Variants in NGFR observed in about 807,000 individuals in gnomAD.
The protein encoded by NGFR is tumor necrosis factor receptor superfamily member 16.
In NGFR, 30 loss-of-function variants were observed where a neutral mutation model predicts 43.2. The observed-to-expected ratio is 0.69, with a 90% CI of 0.52 to 0.94. NGFR has a LOEUF of 0.94. Ranked by LOEUF, NGFR falls within the 40% of genes least tolerant of loss-of-function variation. The pLI is 0.00. For missense variants in NGFR, 529 were observed against 602.5 expected (o/e 0.88, Z 1.28); for synonymous variants, 246 against 259.6 (o/e 0.95, Z 0.50).
chr17:49,506,225 G>T, intron 2 of NGFR, 74 bp from the exon 3 acceptor site: 1 of 1,501,932 alleles, frequency 6.7e-7, no homozygotes, highest in Non-Finnish European at 8.8e-7. Context: ...CAATAGGGGA[G>T]GGAGAGACTC....
chr17:49,513,050 A>C lies in NGFR; in HGVS notation c.*41A>C. 3 of 1,463,098 alleles carry C rather than the reference A, an allele frequency of 2.1e-6. No individual in the cohort carries two copies. Among genetic ancestry groups the C allele is most frequent in the Non-Finnish European group, 2.7e-6 (3 of 1,107,238 alleles). The allele number at this position is 1,463,098 out of a possible 1,614,324, so 90.6% of individuals were successfully genotyped here. ...CCCCGCCCCGCCCCACATTCCGACAACCGATGCTCCAGCCAACCCCTGTGG... is the reference window on the plus strand; with the variant it reads ...CCCCGCCCCGCCCCACATTCCGACACCCGATGCTCCAGCCAACCCCTGTGG... On this transcript the variant is annotated 3_prime_UTR_variant, in exon 6 of 6. Transcript: ENST00000172229.
At chr17:49,502,010 A>G (rs1302020758) in intron 1 of NGFR, 53 bp from the exon 2 acceptor site, 2 of 269,686 alleles carry the variant, frequency 7.4e-6, no homozygotes, top group Admixed American at 4.7e-5. Context: ...ACCCCCCCCA[A>G]CCCACCCCAG....
intron 3 of NGFR, 23 bp downstream of exon 3, chr17:49,506,681 GGGGAGTGGGGGT>G: frequency 3.2e-5 from 38 of 1,174,432 alleles, no homozygotes; most frequent in Non-Finnish European, 4.1e-5. Context: ...CGGGGGGCGG[GGGGAGTGGGGGT>G]GCGGGGGTGG....
Position 49,512,680 on chromosome 17 carries a change from A to G in NGFR, c.983-28A>G. Reference sequence around the variant, plus strand: ...TTGGGGAAAGGAGTTCAGGGGTAGGACCTGACTCTCCTCTGGTTTCTCTGC... The same window carrying G: ...TTGGGGAAAGGAGTTCAGGGGTAGGGCCTGACTCTCCTCTGGTTTCTCTGC... On this transcript the variant is annotated intron_variant, in intron 5 of 5. Transcript: ENST00000172229. This position sits in a 1 kb window ranked among gnomAD's most constrained non-coding sequence, Gnocchi z 5.2. 6.4e-7 allele frequency: 1 copy of G among 1,551,012 alleles called. No individual in the cohort carries two copies. Among genetic ancestry groups the G allele is most frequent in the Non-Finnish European group, 8.7e-7 (1 of 1,146,458 alleles).
At chr17:49,501,999 A>AGGGGCCCCCCCCCCCCCCCCCC in intron 1 of NGFR, 64 bp from the exon 2 acceptor site, 1 of 330,984 alleles carries the variant, frequency 3.0e-6, no homozygotes, top group Non-Finnish European at 5.9e-6. Context: ...TCCCCGGAAG[A>AGGGGCCCCCCCCCCCCCCCCCC]ACCCCCCCCA....
In NGFR at chr17:49,512,965, G is replaced by A. The variant is rs749999443; in HGVS notation, c.1240G>A (p.Val414Met). 1.1e-5 allele frequency: 18 copies of A among 1,606,422 alleles called. No homozygotes were observed. The highest frequency in any genetic ancestry group is 3.3e-5 in the South Asian group (3 of 90,406). The stretch of plus-strand genomic sequence containing the variant: ...GCGCCGCATCCAGCGAGCCGACCTC[G>A]TGGAGAGTCTGTGCAGTGAGTCCAC... ...ALRRIQRADL[V>M]ESLCSESTAT... Residue 414 changes from valine to methionine, a missense_variant, in exon 6 of 6, where the codon GTG becomes ATG. Physicochemically the swap from Val to Met is conservative, Grantham distance 21. Coordinates refer to ENST00000172229, the MANE Select transcript of NGFR (RefSeq NM_002507.4). This position sits in a 1 kb window ranked among gnomAD's most constrained non-coding sequence, Gnocchi z 5.2.
At position 49,512,191 on chromosome 17, in the gene NGFR, T is replaced by A; in HGVS notation, c.982+139T>A. ...TGCCCCTGTAGATGGATGGAGAGGC[T>A]GGCCGAGGGGAATGGGAGGGAGAGG... On this transcript the variant is annotated intron_variant, in intron 5 of 5. Coordinates refer to ENST00000172229, the MANE Select transcript of NGFR (RefSeq NM_002507.4). This position sits in a 1 kb window ranked among gnomAD's most constrained non-coding sequence, Gnocchi z 5.2. 9.2e-7 allele frequency: 1 copy of A among 1,088,902 alleles called. No individual in the cohort carries two copies. The highest frequency in any genetic ancestry group is 1.3e-6 in the Non-Finnish European group (1 of 784,028). The allele number at this position is 1,088,902 out of a possible 1,614,324, so 67.5% of individuals were successfully genotyped here. A position where few individuals can be genotyped will look rare whatever the true frequency, so the allele number is the denominator to read the frequency against.
At chr17:49,506,247 T>TC in intron 2 of NGFR, 52 bp from the exon 3 acceptor site, 1 of 1,508,972 alleles carries the variant, frequency 6.6e-7, no homozygotes, top group Non-Finnish European at 8.8e-7. Flanking sequence ...AGCTCCTGCG[T>TC]CCCGGGTGCC....
At chr17:49,500,359 A>G (rs530065512) in intron 1 of NGFR, among the ~76,000 whole-genome samples, 1 of 152,304 alleles carries the variant, frequency 6.6e-6, no homozygotes, top group Non-Finnish European at 1.5e-5. Flanking sequence ...TTTCAACTCC[A>G]CGCGTGTATG....
intron 2 of NGFR, among the ~76,000 whole-genome samples, chr17:49,504,917 G>C (rs1030970804): frequency 2.0e-5 from 3 of 151,572 alleles, no homozygotes; most frequent in Non-Finnish European, 4.4e-5. Context: ...GATTACAGAC[G>C]TGCACCACTA....
intron 1 of NGFR, 45 bp from the exon 2 acceptor site, chr17:49,502,018 C>CCCCCCCCATGG: frequency 7.6e-7 from 1 of 1,320,364 alleles, no homozygotes; most frequent in East Asian, 2.7e-5. Flanking sequence ...CAACCCACCC[C>CCCCCCCCATGG]AGCTTTCTCT....
At position 49,510,581 on chromosome 17, in the gene NGFR, C is replaced by T; in HGVS notation, c.738C>T (p.Gly246=). 2.5e-6 allele frequency: 4 copies of T among 1,614,006 alleles called. No individual in the cohort carries two copies. Among genetic ancestry groups the T allele is most frequent in the Non-Finnish European group, 3.4e-6 (4 of 1,179,956 alleles). The part of the protein sequence containing the change: ...MGSSQPVVTR[G]TTDNLIPVYC... ...GCTCCCAGCCCGTGGTGACCCGAGG[C>T]ACCACCGACAACCTCATCCCTGTCT... Residue 246 remains glycine, a synonymous_variant, in exon 4 of 6, where the codon GGC becomes GGT. Coordinates refer to ENST00000172229, the MANE Select transcript of NGFR (RefSeq NM_002507.4).
chr17:49,508,844 C>G (rs2071214784), intron 3 of NGFR, among the ~76,000 whole-genome samples: 1 of 152,156 alleles, frequency 6.6e-6, no homozygotes, highest in Non-Finnish European at 1.5e-5. Context: ...ACCCTCCCAG[C>G]CTTCCCCTAC....
Position 49,512,847 on chromosome 17 carries a change from C to T in NGFR, c.1122C>T (p.Asp374=), listed in dbSNP as rs997489820. Residue 374 remains aspartate (D), a synonymous_variant, in exon 6 of 6, where the codon GAC becomes GAT. Transcript: ENST00000172229. The surrounding 1 kb of genome is among the most constrained non-coding windows in gnomAD (Gnocchi z 5.2). ...GELGYQPEHI[D]SFTHEACPVR... ...TGGGCTACCAGCCCGAGCACATAGA[C>T]TCCTTTACCCATGAGGCCTGCCCCG... The T allele has an allele frequency of 5.6e-6, 9 of 1,613,394 alleles. No homozygotes were observed. The African/African-American group carries it at 1.2e-4, about 22-fold the overall frequency.
In NGFR at chr17:49,511,859, C is replaced by T. The variant is rs1359572138; in HGVS notation, c.822-33C>T. On this transcript the variant is annotated intron_variant, in intron 4 of 5. Transcript: ENST00000172229. ...CTGCATCGGCCACTACAGCCCCTCG[C>T]CCCCTGAAACCTGGCCTGTCCTCTG... 19 of 1,549,922 alleles carry T rather than the reference C, an allele frequency of 1.2e-5. No homozygotes were observed. The South Asian group carries it at 1.3e-4, about 11-fold the overall frequency.
At chr17:49,505,670 C>T (rs1256345841) in intron 2 of NGFR, 1 of 152,404 alleles carries the variant, frequency 6.6e-6, no homozygotes, top group Non-Finnish European at 1.5e-5. Context: ...TCTCTAGCTT[C>T]AGTGGCTCCT....
chr17:49,500,883 TA>T (rs1330252304), intron 1 of NGFR, among the ~76,000 whole-genome samples: 4 of 152,128 alleles, frequency 2.6e-5, no homozygotes, highest in Non-Finnish European at 4.4e-5. Flanking sequence ...CAGGATATTT[TA>T]AAAGGCTGGA....
chr17:49,501,999 A>AGGGCCCCCCCCC, intron 1 of NGFR, 64 bp from the exon 2 acceptor site: 5 of 330,980 alleles, frequency 1.5e-5, no homozygotes, highest in Non-Finnish European at 2.9e-5. Context: ...TCCCCGGAAG[A>AGGGCCCCCCCCC]ACCCCCCCCA....
intron 1 of NGFR, among the ~76,000 whole-genome samples, chr17:49,500,176 C>T (rs2071159509): frequency 6.6e-6 from 1 of 152,124 alleles, no homozygotes; most frequent in African/African-American, 2.4e-5. Context: ...TACAGAGTCC[C>T]TGAGTCATGG....
Sources: gnomAD v4.1 joint callset for allele counts (sites outside exome capture counted in the v4.1 genomes callset) on GRCh38, gnomAD v4.1.1 for gene constraint, Gnocchi (gnomAD v3.1) non-coding constraint, MANE v1.5 for transcripts, NCBI Gene and HGNC (gene_info 2026-07-23, HGNC 2026-07-21) for gene names.